CTDP1: variants seen among roughly 807,000 people sequenced by gnomAD.
The protein encoded by CTDP1 is CTD phosphatase 1.
CTDP1 carries 47 observed loss-of-function variants against 91.8 expected under a neutral mutation model. The ratio of observed to expected loss-of-function variants is 0.51; its 90% CI spans 0.41 to 0.65. The LOEUF (loss-of-function observed/expected upper bound fraction) is 0.65, where lower values mean the gene tolerates loss of function less well. Ranked by LOEUF, CTDP1 falls within the 30% of genes least tolerant of loss-of-function variation. The pLI is 0.00. For synonymous variants in CTDP1, 656 were observed against 598.5 expected (o/e 1.10, Z -1.40); for missense variants, 1,272 against 1,373.7 (o/e 0.93, Z 1.17).
chr18:79,726,154 A>G (rs474571), intron 10 of CTDP1, among the ~76,000 whole-genome samples: 115,985 of 152,146 alleles, frequency 0.76, 44,468 homozygotes, highest in Middle Eastern at 0.79. Flanking sequence ...TATCTCGTGC[A>G]TCTCTAAGCT....
chr18:79,736,594 C>T (rs954335237), intron 12 of CTDP1, 73 bp downstream of exon 12: 8 of 1,370,212 alleles, frequency 5.8e-6, no homozygotes, highest in Non-Finnish European at 7.8e-6. Flanking sequence ...GGTGGGCCGC[C>T]TACCTGCATC....
chr18:79,727,570 C>T (rs1255624953), intron 10 of CTDP1, among the ~76,000 whole-genome samples: 1 of 152,230 alleles, frequency 6.6e-6, no homozygotes, highest in Non-Finnish European at 1.5e-5. Context: ...TTTGACAAGG[C>T]TTGGGAAGTC....
intron 12 of CTDP1, chr18:79,749,994 G>T (rs888502795): frequency 3.3e-5 from 5 of 152,262 alleles, no homozygotes; most frequent in Admixed American, 6.5e-5. Context: ...AAGGAAACTC[G>T]TGTATGATAC....
chr18:79,715,778 C>T (rs957683570), intron 8 of CTDP1, among the ~76,000 whole-genome samples: 2 of 152,236 alleles, frequency 1.3e-5, no homozygotes, highest in Admixed American at 1.3e-4. Flanking sequence ...GTTCAACCTT[C>T]TCCCTGGAGT....
chr18:79,691,121 T>A (rs1459605265), intron 1 of CTDP1, among the ~76,000 whole-genome samples: 1 of 152,228 alleles, frequency 6.6e-6, no homozygotes, highest in African/African-American at 2.4e-5. Flanking sequence ...AGAAGCTTCC[T>A]TCCTCGTGTA....
intron 12 of CTDP1, among the ~76,000 whole-genome samples, chr18:79,750,613 CT>C (rs1599328550): frequency 6.6e-6 from 1 of 150,466 alleles, no homozygotes; most frequent in Admixed American, 6.6e-5. Flanking sequence ...CGTGCCCCGG[CT>C]TCCCGAGTAG....
intron 10 of CTDP1, among the ~76,000 whole-genome samples, chr18:79,725,337 C>T (rs2086424242): frequency 6.6e-6 from 1 of 152,208 alleles, no homozygotes; most frequent in African/African-American, 2.4e-5. Flanking sequence ...TGCGGACTTG[C>T]CCCTTCCTTT....
intron 12 of CTDP1, among the ~76,000 whole-genome samples, chr18:79,739,772 C>CCAGGACGGGTGGGACTCTCATACCCACG (rs2086737653): frequency 6.7e-6 from 1 of 149,424 alleles, no homozygotes; most frequent in South Asian, 2.1e-4. Flanking sequence ...TCATACCCGC[C>CCAGGACGGGTGGGACTCTCATACCCACG]GCCAGGACGG....
chr18:79,717,662 C>T lies in CTDP1; in HGVS notation c.2196C>T (p.His732=), dbSNP rs1375833411. ...EEQLFPLRDD[H]TKAQRENSPA... is the part of the protein sequence containing the mutation. ...AGCTCTTCCCGCTCAGGGACGATCA[C>T]ACCAAGGCACAGAGGTGGGTCCTCG... Residue 732 remains histidine, a synonymous_variant, in exon 9 of 13, where the codon CAC becomes CAT. Coordinates refer to ENST00000613122, the MANE Select transcript of CTDP1 (RefSeq NM_004715.5). 1.2e-6 allele frequency: 2 copies of T among 1,613,908 alleles called. No individual in the cohort carries two copies. Among genetic ancestry groups the T allele is most frequent in the Non-Finnish European group, 1.7e-6 (2 of 1,179,988 alleles).
intron 12 of CTDP1, among the ~76,000 whole-genome samples, chr18:79,742,546 G>A (rs1568217500): frequency 6.6e-6 from 1 of 152,252 alleles, no homozygotes; most frequent in African/African-American, 2.4e-5. Context: ...GATGAAATCT[G>A]AATCCACACA....
rs932837936 is a variant in CTDP1 at position 79,736,471 on chromosome 18, C to T, written c.2697C>T (p.Leu899=). ...RKPGTRRERT[L]GAPASSERSA... ...CAGGGACCCGCAGGGAGCGGACGCT[C>T]GGGGCACCTGCGTCCAGCGAGAGGA... The change falls in exon 12 of 13, where the codon CTC becomes CTT. Residue 899 remains leucine (L), a synonymous_variant. Coordinates refer to ENST00000613122, the MANE Select transcript of CTDP1 (RefSeq NM_004715.5). The T allele has an allele frequency of 9.7e-6, 15 of 1,548,532 alleles. No homozygotes were observed. Among genetic ancestry groups the T allele is most frequent in the South Asian group, 2.4e-5 (2 of 83,960 alleles).
intron 5 of CTDP1, among the ~76,000 whole-genome samples, chr18:79,709,699 TCTC>T (rs1234854107): frequency 6.6e-6 from 1 of 152,196 alleles, no homozygotes; most frequent in African/African-American, 2.4e-5. Context: ...TCCTTCCCAG[TCTC>T]CTCTGTCAGG....
At chr18:79,702,168 A>G (rs919390278) in intron 4 of CTDP1, among the ~76,000 whole-genome samples, 2 of 152,174 alleles carry the variant, frequency 1.3e-5, no homozygotes, top group Non-Finnish European at 2.9e-5. Context: ...CTTTTGTGAA[A>G]GGAAGAGTTG....
intron 10 of CTDP1, among the ~76,000 whole-genome samples, chr18:79,722,180 G>GA (rs2086358010): frequency 6.6e-6 from 1 of 152,232 alleles, no homozygotes; most frequent in Admixed American, 6.5e-5. Flanking sequence ...ATTGTTATCT[G>GA]AAAACAGACT....
chr18:79,739,405 G>T (rs895047855), intron 12 of CTDP1, among the ~76,000 whole-genome samples: 4 of 144,190 alleles, frequency 2.8e-5, no homozygotes, highest in Admixed American at 2.1e-4. Context: ...GGTTTTTGTG[G>T]TTTTTTTTTT....
intron 7 of CTDP1, among the ~76,000 whole-genome samples, chr18:79,714,060 G>T (rs1004051725): frequency 6.6e-6 from 1 of 151,952 alleles, no homozygotes; most frequent in Non-Finnish European, 1.5e-5. Context: ...TACGGCCACG[G>T]TGGCGCCAGG....
chr18:79,738,711 G>C (rs1008304020), intron 12 of CTDP1, among the ~76,000 whole-genome samples: 3 of 152,242 alleles, frequency 2.0e-5, no homozygotes, highest in African/African-American at 4.8e-5. Flanking sequence ...AGACAAGATA[G>C]TCATTGTTCC....
intron 12 of CTDP1, among the ~76,000 whole-genome samples, chr18:79,741,845 G>T (rs778202343): frequency 3.9e-5 from 6 of 152,186 alleles, no homozygotes; most frequent in Non-Finnish European, 7.3e-5. Context: ...TTTAATCTTG[G>T]ATAATTAACT....
intron 11 of CTDP1, among the ~76,000 whole-genome samples, chr18:79,732,267 C>CGTG (rs2086581742): frequency 6.8e-6 from 1 of 146,004 alleles, no homozygotes; most frequent in African/African-American, 2.6e-5. Context: ...CCCAAAATCA[C>CGTG]AGACATGAGA....
Sources: allele counts gnomAD v4.1 joint callset (sites outside exome capture counted in the v4.1 genomes callset), GRCh38; gene constraint gnomAD v4.1.1; transcripts MANE v1.5; gene names NCBI Gene and HGNC (gene_info 2026-07-23, HGNC 2026-07-21).